Variants in RBFOX2 observed in about 807,000 individuals in gnomAD.
The protein encoded by RBFOX2 is RNA binding fox-1 homolog 2, also known as RNA binding protein fox-1 homolog 2.
RBFOX2 carries 10 observed loss-of-function variants against 49.1 expected under a neutral mutation model. The observed-to-expected ratio is 0.20, with a 90% CI of 0.13 to 0.35. The LOEUF (loss-of-function observed/expected upper bound fraction) is 0.35, where lower values mean the gene tolerates loss of function less well. Ranked by LOEUF, RBFOX2 falls within the 10% of genes least tolerant of loss-of-function variation. The pLI, the probability that RBFOX2 is intolerant of heterozygous loss-of-function variation, is 1.00. For missense variants in RBFOX2, 323 were observed against 486.9 expected (o/e 0.66, Z 3.17); for synonymous variants, 183 against 187.4 (o/e 0.98, Z 0.19).
In RBFOX2 at chr22:36,017,497, C is replaced by T. The variant is rs1001336191; in HGVS notation, c.186+10743G>A. ...GAGCCGAGATCATGCCATGGCACTCCAGCCTGGGCAAGAAGAGCAAAAACT... is the reference window on the plus strand; with the variant it reads ...GAGCCGAGATCATGCCATGGCACTCTAGCCTGGGCAAGAAGAGCAAAAACT... On this transcript the variant is annotated intron_variant, in intron 1 of 13. Transcript: ENST00000438146. Among the ~76,000 whole-genome samples the T allele has an allele frequency of 4.6e-5, 7 of 152,164 alleles. No homozygotes were observed. In the East Asian group the frequency reaches 5.8e-4, roughly 13 times the overall value.
intron 1 of RBFOX2, among the ~76,000 whole-genome samples, chr22:36,025,465 T>G (rs2059396352): frequency 6.6e-6 from 1 of 152,234 alleles, no homozygotes; most frequent in Admixed American, 6.5e-5. Flanking sequence ...TAGATGTCTC[T>G]TTCCATTCAA....
At chr22:35,835,068 G>A (rs1286101282) in intron 1 of RBFOX2, among the ~76,000 whole-genome samples, 1 of 152,192 alleles carries the variant, frequency 6.6e-6, no homozygotes, top group East Asian at 1.9e-4. Context: ...AGCCCACTAA[G>A]AAAGGTGCTA....
chr22:35,744,575 C>T (rs1931666243), intron 11 of RBFOX2, among the ~76,000 whole-genome samples: 1 of 152,206 alleles, frequency 6.6e-6, no homozygotes, highest in South Asian at 2.1e-4. Context: ...TTTAAAAGCA[C>T]AGGTTTTTGT....
At chr22:35,940,852 T>C (rs573814004), upstream of RBFOX2, among the ~76,000 whole-genome samples, 5 of 152,306 alleles carry the variant, frequency 3.3e-5, no homozygotes, top group South Asian at 8.3e-4. Context: ...ATTTGATTTG[T>C]ATGAAATATC....
chr22:35,825,437 A>G (rs1005050475), intron 1 of RBFOX2, among the ~76,000 whole-genome samples: 1 of 152,048 alleles, frequency 6.6e-6, no homozygotes, highest in Admixed American at 6.5e-5. Flanking sequence ...AAAAAAAAAA[A>G]AAAAGAAAAA....
In RBFOX2 at chr22:35,845,589, T is replaced by C. The variant is rs1049581384; in HGVS notation, c.-33-35585A>G. On this transcript the variant is annotated intron_variant, in intron 1 of 13. Coordinates refer to the RBFOX2 transcript ENST00000359369. ...TTAATTCACAAATTACTACATGTCTTTGGGTAACTTATTCATATCTTTAAG... is the reference window on the plus strand; with the variant it reads ...TTAATTCACAAATTACTACATGTCTCTGGGTAACTTATTCATATCTTTAAG... Among the ~76,000 whole-genome samples, 6 of 152,290 alleles carry C rather than the reference T, an allele frequency of 3.9e-5. No individual in the cohort carries two copies. In the South Asian group the frequency reaches 1.2e-3, roughly 32 times the overall value.
chr22:35,854,488 G>A (rs1487874729), intron 1 of RBFOX2, among the ~76,000 whole-genome samples: 2 of 151,708 alleles, frequency 1.3e-5, no homozygotes, highest in Admixed American at 6.6e-5. Context: ...CACCTACTTC[G>A]GAGGCTGAGG....
intron 3 of RBFOX2, among the ~76,000 whole-genome samples, chr22:35,778,299 G>C (rs556954831): frequency 6.6e-6 from 1 of 152,200 alleles, no homozygotes; most frequent in Non-Finnish European, 1.5e-5. Flanking sequence ...GTTGTCCAAA[G>C]TTATTCACAG....
chr22:35,967,151 T>C (rs1004540697), intron 1 of RBFOX2, among the ~76,000 whole-genome samples: 4 of 152,204 alleles, frequency 2.6e-5, no homozygotes, highest in African/African-American at 9.7e-5. Context: ...CGTCTTTTAA[T>C]GAACAGATAA....
upstream of RBFOX2, among the ~76,000 whole-genome samples, chr22:35,963,182 G>A (rs999075067): frequency 6.7e-6 from 1 of 148,630 alleles, no homozygotes; most frequent in African/African-American, 2.5e-5. Flanking sequence ...AAAGAGTCAA[G>A]ATGCCTCTAG....
intron 1 of RBFOX2, among the ~76,000 whole-genome samples, chr22:35,912,412 C>G (rs923455355): frequency 9.9e-5 from 15 of 152,154 alleles, no homozygotes; most frequent in Middle Eastern, 3.2e-3. Context: ...ATTTCCTCAC[C>G]GCAAGAAAAT....
chr22:35,929,507 T>G (rs950536459), intron 1 of RBFOX2, among the ~76,000 whole-genome samples: 1 of 151,832 alleles, frequency 6.6e-6, no homozygotes, highest in South Asian at 2.1e-4. Flanking sequence ...AAATATTATT[T>G]AGCAAAAAAA....
At chr22:35,856,726 A>G (rs1349725837) in intron 1 of RBFOX2, among the ~76,000 whole-genome samples, 1 of 151,942 alleles carries the variant, frequency 6.6e-6, no homozygotes, top group Non-Finnish European at 1.5e-5. Flanking sequence ...CAGGCAAAAT[A>G]TGTCATTAGA....
In RBFOX2 at chr22:35,762,574, T is replaced by G. The variant is rs536095776; in HGVS notation, c.608-1106A>C. ...CAGGCTGGAGTGCAGTGGCGCAGTT[T>G]CGGCTCACCACAACCTCGGCTCCTG... On this transcript the variant is annotated intron_variant, in intron 6 of 11. Coordinates refer to ENST00000405409, the Ensembl canonical transcript of RBFOX2. Among the ~76,000 whole-genome samples, 9 of 151,166 alleles carry G rather than the reference T, an allele frequency of 6.0e-5. No individual in the cohort carries two copies. The East Asian group carries it at 1.8e-3, about 29-fold the overall frequency.
intron 1 of RBFOX2, among the ~76,000 whole-genome samples, chr22:35,851,614 G>A (rs1170998272): frequency 6.6e-6 from 1 of 152,090 alleles, no homozygotes; most frequent in East Asian, 1.9e-4. Flanking sequence ...ATCACTTGAG[G>A]TCAGGAGTTC....
chr22:35,745,167 A>G (rs773833999), intron 11 of RBFOX2, among the ~76,000 whole-genome samples: 2 of 152,030 alleles, frequency 1.3e-5, no homozygotes, highest in Non-Finnish European at 2.9e-5. Context: ...TTTTCAAACA[A>G]CTCTACCCAT....
At chr22:35,862,674 T>C (rs541912335) in intron 1 of RBFOX2, among the ~76,000 whole-genome samples, 20 of 152,288 alleles carry the variant, frequency 1.3e-4, no homozygotes, top group African/African-American at 4.8e-4. Context: ...CAACATCACA[T>C]GTGGGTAAGA....
intron 1 of RBFOX2, among the ~76,000 whole-genome samples, chr22:35,934,625 C>A (rs1480094334): frequency 6.6e-6 from 1 of 152,148 alleles, no homozygotes; most frequent in Non-Finnish European, 1.5e-5. Flanking sequence ...AGCCTTAGGA[C>A]CCCCATCACT....
At chr22:35,802,083 C>G (rs1287091768) in intron 2 of RBFOX2, among the ~76,000 whole-genome samples, 1 of 152,070 alleles carries the variant, frequency 6.6e-6, no homozygotes, top group African/African-American at 2.4e-5. Flanking sequence ...TCATGGTGAA[C>G]AGTTTCTGGT....
Sources: allele counts gnomAD v4.1 joint callset (sites outside exome capture counted in the v4.1 genomes callset), GRCh38; gene constraint gnomAD v4.1.1; transcripts MANE v1.5; gene names NCBI Gene and HGNC (gene_info 2026-07-23, HGNC 2026-07-21).